MORN1: variants seen among roughly 807,000 people sequenced by gnomAD.
The protein encoded by MORN1 is MORN repeat-containing protein 1.
A neutral mutation model predicts 61.9 loss-of-function variants in MORN1; 67 were observed. That is an observed-to-expected ratio of 1.08 (90% CI 0.89 to 1.33). MORN1 has a LOEUF of 1.33. MORN1 is among the 40% of genes most tolerant of loss of function. MORN1 has a pLI of 0.00. For synonymous variants in MORN1, 301 were observed against 292.0 expected (o/e 1.03, Z -0.31); for missense variants, 752 against 691.2 (o/e 1.09, Z -0.99).
intron 7 of MORN1, among the ~76,000 whole-genome samples, chr1:2,373,815 G>A (rs1195668043): frequency 6.6e-6 from 1 of 151,302 alleles, no homozygotes; most frequent in Non-Finnish European, 1.5e-5. Context: ...CGTCACCCCT[G>A]TGACCTCTCC....
chr1:2,367,134 G>T (rs1275545981), intron 8 of MORN1, among the ~76,000 whole-genome samples: 4 of 152,066 alleles, frequency 2.6e-5, no homozygotes, highest in African/African-American at 9.7e-5. Flanking sequence ...ATTGAAGAGA[G>T]AATTTTTCCC....
chr1:2,339,751 C>T (rs1641354869), intron 10 of MORN1, among the ~76,000 whole-genome samples: 1 of 152,182 alleles, frequency 6.6e-6, no homozygotes, highest in Non-Finnish European at 1.5e-5. Context: ...CACACGGAAG[C>T]CAGGTCAGTC....
intron 5 of MORN1, 116 bp downstream of exon 5, chr1:2,385,691 G>C: frequency 1.1e-6 from 1 of 912,538 alleles, no homozygotes; most frequent in Admixed American, 1.9e-5. Context: ...AGCAGGGGCC[G>C]GAACAGGCCC....
In MORN1 at chr1:2,372,308, G is replaced by A; in HGVS notation, c.745+173C>T. The stretch of plus-strand genomic sequence containing the variant: ...TTGCACACACACCCAAGGCTGCCCT[G>A]ACTGGCAGGGAAGCTGGCACACCTG... On this transcript the variant is annotated intron_variant, in intron 8 of 13. Coordinates refer to ENST00000378531, the MANE Select transcript of MORN1 (RefSeq NM_024848.3). The surrounding 1 kb of genome is among the most constrained non-coding windows in gnomAD (Gnocchi z 5.4). The A allele has an allele frequency of 1.7e-6, 1 of 591,094 alleles. No homozygotes were observed. Among genetic ancestry groups the A allele is most frequent in the Non-Finnish European group, 3.0e-6 (1 of 330,096 alleles). 36.6% of individuals were successfully genotyped at this position (591,094 alleles called of 1,614,324 possible).
At chr1:2,328,168 C>T (rs1028603990) in intron 12 of MORN1, among the ~76,000 whole-genome samples, 4 of 152,382 alleles carry the variant, frequency 2.6e-5, no homozygotes, top group South Asian at 2.1e-4. Flanking sequence ...GTCCATGACG[C>T]GGACACGTTC....
At position 2,324,818 on chromosome 1, in the gene MORN1, G is replaced by A. The variant is rs889930844; in HGVS notation, c.1251-675C>T. Among the ~76,000 whole-genome samples the A allele has an allele frequency of 3.9e-5, 6 of 152,212 alleles. No individual in the cohort carries two copies. In the South Asian group the frequency reaches 1.2e-3, roughly 32 times the overall value. On this transcript the variant is annotated intron_variant, in intron 12 of 13. Transcript: ENST00000378531. ...CCAGGGTTTCTGAACTGCAACAAGT[G>A]ATGGGCCTGTTCCTCCTGCCTGGAC...
chr1:2,391,453 G>A lies in MORN1; in HGVS notation c.76+5C>T. 9 of 1,256,192 alleles carry A rather than the reference G, an allele frequency of 7.2e-6. No individual in the cohort carries two copies. Among genetic ancestry groups the A allele is most frequent in the Non-Finnish European group, 9.1e-6 (9 of 992,808 alleles). The allele number at this position is 1,256,192 out of a possible 1,614,324, so 77.8% of individuals were successfully genotyped here. On this transcript the variant is annotated splice_donor_5th_base_variant and intron_variant, in intron 1 of 13. Transcript: ENST00000378531. ...GCGACCTGTCCCGTGGCCCGCAGTC[G>A]TTACCGTTCCGGGGCGGCCGCCTAG...
At chr1:2,340,728 CCA>C (rs1349963624) in intron 10 of MORN1, among the ~76,000 whole-genome samples, 1 of 152,210 alleles carries the variant, frequency 6.6e-6, no homozygotes, top group African/African-American at 2.4e-5. Context: ...CGACGGGCCA[CCA>C]CACAGGACAC....
chr1:2,387,653 C>A, intron 3 of MORN1, 124 bp from the exon 4 acceptor site: 1 of 692,504 alleles, frequency 1.4e-6, no homozygotes, highest in Non-Finnish European at 2.6e-6. Flanking sequence ...TCCCTGCCTC[C>A]ATCATACTAC....
chr1:2,357,555 C>T lies in MORN1; in HGVS notation c.913G>A (p.Gly305Arg). Residue 305 changes from glycine (G) to arginine (R), a missense_variant, in exon 10 of 14, where the codon GGG becomes AGG. By Grantham distance (125) the Gly-to-Arg change is moderately radical. Transcript: ENST00000378531. This position sits in a 1 kb window ranked among gnomAD's most constrained non-coding sequence, Gnocchi z 6.3. ...IPYPVSSPAA[G>R]VPGPRAAKGG... ...TTGGCAGCTCTGGGCCCCGGCACCCCAGCTGCGGGGCTGGACACAGGATAA... is the reference window on the plus strand; with the variant it reads ...TTGGCAGCTCTGGGCCCCGGCACCCTAGCTGCGGGGCTGGACACAGGATAA... The T allele has an allele frequency of 1.9e-6, 3 of 1,611,874 alleles. No individual in the cohort carries two copies. Among genetic ancestry groups the T allele is most frequent in the Non-Finnish European group, 2.5e-6 (3 of 1,179,162 alleles).
rs1414160002 is a variant in MORN1 at position 2,381,175 on chromosome 1, C to T, written c.537+3803G>A. Among the ~76,000 whole-genome samples the T allele has an allele frequency of 7.9e-5, 12 of 152,270 alleles. No homozygotes were observed. The South Asian group carries it at 2.5e-3, about 31-fold the overall frequency. The stretch of plus-strand genomic sequence containing the variant: ...CAAACAGCCATGTGAAAACCTCCTG[C>T]CTCTGAAGCGTGGTCTGGCAGCCAC... On this transcript the variant is annotated intron_variant, in intron 6 of 13. Transcript: ENST00000378531.
intron 10 of MORN1, among the ~76,000 whole-genome samples, chr1:2,339,666 G>T (rs979406446): frequency 6.6e-6 from 1 of 152,038 alleles, no homozygotes; most frequent in Non-Finnish European, 1.5e-5. Context: ...CCACCGAGTC[G>T]CTGGCACTGC....
At chr1:2,328,854 C>T (rs1444891464) in intron 12 of MORN1, among the ~76,000 whole-genome samples, 1 of 152,226 alleles carries the variant, frequency 6.6e-6, no homozygotes, top group African/African-American at 2.4e-5. Flanking sequence ...CCAGGGAGGC[C>T]TCTTGCCTCC....
At chr1:2,388,928 A>G (rs993744538) in intron 2 of MORN1, among the ~76,000 whole-genome samples, 1 of 152,114 alleles carries the variant, frequency 6.6e-6, no homozygotes, top group Admixed American at 6.5e-5. Flanking sequence ...CCAGGCCAAC[A>G]TGGCAAAACT....
chr1:2,375,718 T>G (rs1281280530), intron 6 of MORN1: 1 of 152,204 alleles, frequency 6.6e-6, no homozygotes, highest in African/African-American at 2.4e-5. Context: ...CAGGAGAGGC[T>G]GGGCAGCCAG....
chr1:2,352,576 TG>T (rs1206749655), intron 10 of MORN1: 1 of 152,328 alleles, frequency 6.6e-6, no homozygotes, highest in Non-Finnish European at 1.5e-5. Context: ...AGGGGCTTGG[TG>T]AGAGCCGTCC....
rs1241028123 is a variant in MORN1 at position 2,385,827 on chromosome 1, G to A, written c.429C>T (p.Gly143=). 6.2e-7 allele frequency: 1 copy of A among 1,613,892 alleles called. No individual in the cohort carries two copies. Among genetic ancestry groups the A allele is most frequent in the Non-Finnish European group, 8.5e-7 (1 of 1,179,982 alleles). Reference sequence around the variant, plus strand: ...CTCACTGAAAGAGCATCTGCCCAGGGCCGTGCCTCTTGTTGTCATGGAAGG... The same window carrying A: ...CTCACTGAAAGAGCATCTGCCCAGGACCGTGCCTCTTGTTGTCATGGAAGG... ...QGSFHDNKRH[G]PGQMLFQNGD... The change falls in exon 5 of 14, where the codon GGC becomes GGT. Residue 143 remains glycine (G), a synonymous_variant. Coordinates refer to ENST00000378531, the MANE Select transcript of MORN1 (RefSeq NM_024848.3).
chr1:2,345,107 T>TG (rs1385227120), intron 10 of MORN1, among the ~76,000 whole-genome samples: 1 of 152,162 alleles, frequency 6.6e-6, no homozygotes, highest in African/African-American at 2.4e-5. Context: ...TCTACGCTCA[T>TG]GGATGGCCAC....
intron 3 of MORN1, 160 bp from the exon 4 acceptor site, chr1:2,387,689 T>C (rs1642538335): frequency 1.6e-6 from 1 of 624,104 alleles, no homozygotes; most frequent in Non-Finnish European, 2.9e-6. Flanking sequence ...AGGGAAAACA[T>C]GGTAAGCAGG....
Sources: gnomAD v4.1 joint callset for allele counts (sites outside exome capture counted in the v4.1 genomes callset) on GRCh38, gnomAD v4.1.1 for gene constraint, Gnocchi (gnomAD v3.1) non-coding constraint, MANE v1.5 for transcripts, NCBI Gene and HGNC (gene_info 2026-07-23, HGNC 2026-07-21) for gene names.